The following KLF3 variants were observed in gnomAD, a reference collection of about 807,000 sequenced individuals.
KLF3 encodes the protein Krueppel-like factor 3.
In KLF3, 6 loss-of-function variants were observed where a neutral mutation model predicts 32.7. That is an observed-to-expected ratio of 0.18 (90% CI 0.10 to 0.36). KLF3 has a LOEUF of 0.36. Ranked by LOEUF, KLF3 falls within the 10% of genes least tolerant of loss-of-function variation. KLF3 has a pLI of 1.00. For missense variants in KLF3, 338 were observed against 449.7 expected, an observed-to-expected ratio of 0.75 and a Z score of 2.25; for synonymous variants, 145 against 172.8, an observed-to-expected ratio of 0.84 and a Z score of 1.26.
intron 1 of KLF3, among the ~76,000 whole-genome samples, chr4:38,666,816 A>G (rs565406242): frequency 5.9e-5 from 9 of 152,322 alleles, no homozygotes; most frequent in Admixed American, 2.0e-4. Context: ...AGTTGCTCCA[A>G]TTTTGGTTCT....
At chr4:38,668,843 A>C (rs868069148) in intron 1 of KLF3, among the ~76,000 whole-genome samples, 5 of 152,220 alleles carry the variant, frequency 3.3e-5, no homozygotes, top group African/African-American at 1.2e-4. Context: ...TTCTATCAGA[A>C]AAAAATTCTG....
Position 38,664,454 on chromosome 4 carries a change from C to T in KLF3, c.-47C>T, listed in dbSNP as rs1721928684. ...TCGTCGGCGGCGCCCTGCACCGCGC[C>T]TCGCAAAGTAAGTCCCGTCTCCCTC... On this transcript the variant is annotated 5_prime_UTR_variant, in exon 1 of 6. Coordinates refer to ENST00000261438, the MANE Select transcript of KLF3 (RefSeq NM_016531.6). 1 of 152,212 alleles carries T rather than the reference C, an allele frequency of 6.6e-6. No individual in the cohort carries two copies. The highest frequency in any genetic ancestry group is 6.5e-5 in the Admixed American group (1 of 15,282). 9.4% of individuals were successfully genotyped at this position (152,212 alleles called of 1,614,324 possible). A position where few individuals can be genotyped will look rare whatever the true frequency, so the allele number is the denominator to read the frequency against.
intron 1 of KLF3, among the ~76,000 whole-genome samples, 158 bp from the exon 2 acceptor site, chr4:38,680,429 G>A (rs1013986348): frequency 1.2e-4 from 19 of 152,042 alleles, no homozygotes; most frequent in African/African-American, 4.6e-4. Flanking sequence ...GGCCAGGCTG[G>A]TCTTGAACTC....
chr4:38,701,402 C>G lies in KLF3; in HGVS notation c.*4139C>G, dbSNP rs1388893399. On this transcript the variant is annotated 3_prime_UTR_variant, in exon 6 of 6. Coordinates refer to ENST00000261438, the MANE Select transcript of KLF3 (RefSeq NM_016531.6). Reference sequence around the variant, plus strand: ...TTGCAGCATTTTGTATTAAAAGACGCATGTGTATAATACTTTAAACTTTTA... The same window carrying G: ...TTGCAGCATTTTGTATTAAAAGACGGATGTGTATAATACTTTAAACTTTTA... Among the ~76,000 whole-genome samples the G allele has an allele frequency of 6.6e-6, 1 of 152,174 alleles. No individual in the cohort carries two copies.
intron 1 of KLF3, among the ~76,000 whole-genome samples, chr4:38,665,902 G>T (rs1335237105): frequency 6.6e-6 from 1 of 152,178 alleles, no homozygotes; most frequent in Non-Finnish European, 1.5e-5. Flanking sequence ...AAAACAATCT[G>T]CTAGCATTAA....
chr4:38,689,144 G>A (rs754391098), intron 3 of KLF3, 73 bp downstream of exon 3: 34 of 1,560,340 alleles, frequency 2.2e-5, no homozygotes, highest in Non-Finnish European at 2.8e-5. Flanking sequence ...GGGTGGGTGA[G>A]GAAGCATGGG....
At chr4:38,689,092 A>G (rs1195099969) in intron 3 of KLF3, 21 bp downstream of exon 3, 2 of 1,610,248 alleles carry the variant, frequency 1.2e-6, no homozygotes, top group African/African-American at 2.7e-5. Context: ...CCACTGCTCC[A>G]TGCTGCTGCA....
chr4:38,699,661 C>T lies in KLF3; in HGVS notation c.*2398C>T. ...TTTGAAGCAAGACCTTGCAAAGACT[C>T]TTAACATTACTGTTCAGCTTGCTTA... On this transcript the variant is annotated 3_prime_UTR_variant, in exon 6 of 6. Coordinates refer to ENST00000261438, the MANE Select transcript of KLF3 (RefSeq NM_016531.6). 1 of 152,174 alleles carries T rather than the reference C, an allele frequency of 6.6e-6. No individual in the cohort carries two copies. Among genetic ancestry groups the T allele is most frequent in the Admixed American group, 6.6e-5 (1 of 15,266 alleles). The allele number at this position is 152,174 out of a possible 1,614,324, so 9.4% of individuals were successfully genotyped here. A position where few individuals can be genotyped will look rare whatever the true frequency, so the allele number is the denominator to read the frequency against.
chr4:38,696,878 G>GT (rs1006480297), intron 5 of KLF3, among the ~76,000 whole-genome samples: 7 of 151,856 alleles, frequency 4.6e-5, no homozygotes, highest in Non-Finnish European at 5.9e-5. Context: ...TTCTCCTCCC[G>GT]TTTTTTTGGC....
chr4:38,667,880 T>C (rs1337482728), intron 1 of KLF3, among the ~76,000 whole-genome samples: 2 of 152,222 alleles, frequency 1.3e-5, no homozygotes, highest in Non-Finnish European at 2.9e-5. Flanking sequence ...GAGAAATCTT[T>C]AGAAAAATCA....
At chr4:38,669,124 TAC>T (rs150578444) in intron 1 of KLF3, among the ~76,000 whole-genome samples, 9,909 of 152,302 alleles carry the variant, frequency 0.065, 370 homozygotes, top group Non-Finnish European at 0.071. Context: ...AAAAATAAAA[TAC>T]ACACAACCTC....
chr4:38,673,483 C>T (rs1174185707), intron 1 of KLF3, among the ~76,000 whole-genome samples: 2 of 152,230 alleles, frequency 1.3e-5, no homozygotes, highest in Admixed American at 1.3e-4. Context: ...CAGGATTAGA[C>T]ATTATGGGTA....
chr4:38,691,281 TG>T (rs1197325053), intron 4 of KLF3, among the ~76,000 whole-genome samples: 1 of 152,228 alleles, frequency 6.6e-6, no homozygotes, highest in Non-Finnish European at 1.5e-5. Context: ...CCTGCCATCT[TG>T]TCATATCCAA....
chr4:38,690,906 A>C (rs1404606166), intron 4 of KLF3, among the ~76,000 whole-genome samples: 2 of 152,174 alleles, frequency 1.3e-5, no homozygotes, highest in Non-Finnish European at 2.9e-5. Flanking sequence ...AGGTACCTTC[A>C]TAGTAGCTCA....
At position 38,675,121 on chromosome 4, in the gene KLF3, C is replaced by T. The variant is rs144009097; in HGVS notation, c.-39-5466C>T. 3.3e-5 allele frequency among the ~76,000 whole-genome samples: 5 copies of T among 152,332 alleles called. No homozygotes were observed. In the East Asian group the frequency reaches 5.8e-4, roughly 18 times the overall value. Reference sequence around the variant, plus strand: ...CACCAACCCTTTTAATCTATAATCACGCAGTCTTGCATTTTGACAGAAATT... The same window carrying T: ...CACCAACCCTTTTAATCTATAATCATGCAGTCTTGCATTTTGACAGAAATT... On this transcript the variant is annotated intron_variant, in intron 1 of 5. Coordinates refer to ENST00000261438, the MANE Select transcript of KLF3 (RefSeq NM_016531.6).
intron 1 of KLF3, among the ~76,000 whole-genome samples, chr4:38,665,314 C>T (rs1483784470): frequency 6.6e-6 from 1 of 152,082 alleles, no homozygotes; most frequent in Non-Finnish European, 1.5e-5. Flanking sequence ...GATGGGGACC[C>T]AGGGACAGAT....
At position 38,698,339 on chromosome 4, in the gene KLF3, C is replaced by G. The variant is rs143570144; in HGVS notation, c.*1076C>G. The G allele has an allele frequency of 2.0e-5, 3 of 152,666 alleles. No homozygotes were observed. Among genetic ancestry groups the G allele is most frequent in the African/African-American group, 7.2e-5 (3 of 41,520 alleles). The allele number at this position is 152,666 out of a possible 1,614,324, so 9.5% of individuals were successfully genotyped here. ...AAATGTTGAGTGGTACTTGTATTCC[C>G]TTATCAAATTAATCACATAGCTTTT... On this transcript the variant is annotated 3_prime_UTR_variant, in exon 6 of 6. Coordinates refer to ENST00000261438, the MANE Select transcript of KLF3 (RefSeq NM_016531.6).
chr4:38,698,180 A>AGGAGAC lies in KLF3; in HGVS notation c.*917_*918insGGAGAC, dbSNP rs1723104823. 1 of 152,252 alleles carries AGGAGAC rather than the reference A, an allele frequency of 6.6e-6. No individual in the cohort carries two copies. Among genetic ancestry groups the AGGAGAC allele is most frequent in the Non-Finnish European group, 1.5e-5 (1 of 68,028 alleles). 9.4% of individuals were successfully genotyped at this position (152,252 alleles called of 1,614,324 possible). On this transcript the variant is annotated 3_prime_UTR_variant, in exon 6 of 6. Transcript: ENST00000261438. ...TATCTCCATTCCTACAATGTCCTTA[A>AGGAGAC]TATGAGATCATCAAACATTGATAGT...
rs1160902125 is a variant in KLF3, at chr4:38,701,173, T to A, written c.*3910T>A. The A allele has an allele frequency of 2.6e-5, 4 of 152,146 alleles. No individual in the cohort carries two copies. The highest frequency in any genetic ancestry group is 5.9e-5 in the Non-Finnish European group (4 of 68,030). 9.4% of individuals were successfully genotyped at this position (152,146 alleles called of 1,614,324 possible). On this transcript the variant is annotated 3_prime_UTR_variant, in exon 6 of 6. Coordinates refer to ENST00000261438, the MANE Select transcript of KLF3 (RefSeq NM_016531.6). The stretch of plus-strand genomic sequence containing the variant: ...GTTGATGGAGGGACAGAAAAATAGA[T>A]CTAACTGGAAGATGAACTACCGGAA...
Sources: gnomAD v4.1 joint callset for allele counts (sites outside exome capture counted in the v4.1 genomes callset) on GRCh38, gnomAD v4.1.1 for gene constraint, MANE v1.5 for transcripts, NCBI Gene and HGNC (gene_info 2026-07-23, HGNC 2026-07-21) for gene names.